The following PDE1C variants were observed in gnomAD, a reference collection of about 807,000 sequenced individuals.
PDE1C encodes the protein phosphodiesterase 1C.
Under a neutral mutation model 93.1 loss-of-function variants are expected in PDE1C, and 62 were observed. The observed-to-expected ratio is 0.67, with a 90% CI of 0.54 to 0.82. PDE1C has a LOEUF of 0.82. PDE1C is among the 40% of genes least tolerant of loss of function. PDE1C has a pLI of 0.00. For missense variants in PDE1C, 742 were observed against 884.6 expected (o/e 0.84, Z 2.04); for synonymous variants, 325 against 310.1 (o/e 1.05, Z -0.50).
At chr7:31,620,442 C>T in the PDE1C span, among the ~76,000 whole-genome samples, 9 of 151,782 alleles carry the variant, frequency 5.9e-5, no homozygotes, top group South Asian at 1.0e-3. Context: ...CAGCAGCATT[C>T]GAGATTCACG....
chr7:31,901,344 G>A (rs1239308280), intron 2 of PDE1C, among the ~76,000 whole-genome samples: 1 of 151,330 alleles, frequency 6.6e-6, no homozygotes, highest in Non-Finnish European at 1.5e-5. Context: ...CCCATTAAAG[G>A]TTCAATAACA....
At chr7:31,642,603 C>G in the PDE1C span, 1 of 1,306,774 alleles carries the variant, frequency 7.7e-7, no homozygotes, top group South Asian at 1.5e-5. Flanking sequence ...AAGGCAATGA[C>G]AAGAAGAAAA....
chr7:32,282,650 C>T (rs1292310752), intron 1 of PDE1C, among the ~76,000 whole-genome samples: 1 of 2,892 alleles, frequency 3.5e-4, no homozygotes, highest in African/African-American at 1.7e-3. Flanking sequence ...GGCACGATCT[C>T]GGCTCACTGC....
intron 2 of PDE1C, among the ~76,000 whole-genome samples, chr7:32,182,021 C>T (rs1350009841): frequency 6.6e-6 from 1 of 152,184 alleles, no homozygotes; most frequent in African/African-American, 2.4e-5. Flanking sequence ...ACTATAAACA[C>T]CTCTACACAA....
the PDE1C span, chr7:31,686,973 A>G: frequency 1.3e-5 from 2 of 152,198 alleles, no homozygotes; most frequent in African/African-American, 4.8e-5. Context: ...AATCTATCGC[A>G]TGGGAATTCA....
intron 2 of PDE1C, among the ~76,000 whole-genome samples, chr7:32,035,694 T>A (rs905796267): frequency 6.6e-6 from 1 of 152,188 alleles, no homozygotes; most frequent in African/African-American, 2.4e-5. Flanking sequence ...ATTAAATGAG[T>A]TGCCAAAAGC....
the PDE1C span, among the ~76,000 whole-genome samples, chr7:31,722,707 G>A: frequency 6.6e-6 from 1 of 152,164 alleles, no homozygotes; most frequent in Non-Finnish European, 1.5e-5. Flanking sequence ...GGGAAGGGCA[G>A]GTGTTAACCG....
At chr7:31,875,044 A>G (rs925374085) in intron 5 of PDE1C, among the ~76,000 whole-genome samples, 1 of 152,138 alleles carries the variant, frequency 6.6e-6, no homozygotes, top group Admixed American at 6.5e-5. Context: ...TTAATATCCC[A>G]CTAGGGCGCA....
chr7:32,047,062 A>AGTGTGT (rs59580872), intron 2 of PDE1C, among the ~76,000 whole-genome samples: 4,452 of 145,890 alleles, frequency 0.031, 87 homozygotes, highest in Middle Eastern at 0.075. Flanking sequence ...TGCGAGACAG[A>AGTGTGT]GTGTGTGTGT....
the PDE1C span, among the ~76,000 whole-genome samples, chr7:31,702,577 G>A: frequency 1.3e-5 from 2 of 152,148 alleles, no homozygotes; most frequent in African/African-American, 4.8e-5. Context: ...AACTAACTCT[G>A]TATTAGTCAC....
chr7:31,997,119 CAG>C (rs575862750), intron 2 of PDE1C, among the ~76,000 whole-genome samples: 3 of 152,166 alleles, frequency 2.0e-5, no homozygotes, highest in South Asian at 2.1e-4. Context: ...TAACAACAAA[CAG>C]TGCTTCATGA....
chr7:31,878,711 T>C (rs969162062), intron 4 of PDE1C, among the ~76,000 whole-genome samples: 3 of 152,180 alleles, frequency 2.0e-5, no homozygotes, highest in Non-Finnish European at 2.9e-5. Context: ...CAAAAGATGA[T>C]AGATGAGATG....
At chr7:32,222,003 A>G (rs546595092) in intron 1 of PDE1C, among the ~76,000 whole-genome samples, 94 of 152,052 alleles carry the variant, frequency 6.2e-4, no homozygotes, top group Non-Finnish European at 1.1e-3. Context: ...CCACAACTTC[A>G]CTTGAGGTGC....
intron 1 of PDE1C, among the ~76,000 whole-genome samples, chr7:32,289,713 T>C (rs938171118): frequency 1.3e-5 from 2 of 152,148 alleles, no homozygotes; most frequent in African/African-American, 4.8e-5. Flanking sequence ...TCTCCATCTG[T>C]CTAATTTCAG....
At chr7:32,288,948 T>C (rs1812171758) in intron 1 of PDE1C, among the ~76,000 whole-genome samples, 1 of 152,090 alleles carries the variant, frequency 6.6e-6, no homozygotes, top group Non-Finnish European at 1.5e-5. Flanking sequence ...TGGCATGAAC[T>C]AGGAAGAAGA....
chr7:31,690,209 C>A, the PDE1C span, among the ~76,000 whole-genome samples: 5 of 152,220 alleles, frequency 3.3e-5, no homozygotes, highest in Non-Finnish European at 7.3e-5. Context: ...TTTCATTATA[C>A]AACGGGTCTT....
chr7:32,293,336 C>T (rs1350007146), intron 1 of PDE1C, among the ~76,000 whole-genome samples: 1 of 152,260 alleles, frequency 6.6e-6, no homozygotes, highest in East Asian at 1.9e-4. Context: ...CAGCTGGCCC[C>T]CTAAAAGCGG....
At chr7:32,233,996 A>G (rs1307289309) in intron 1 of PDE1C, among the ~76,000 whole-genome samples, 1 of 152,098 alleles carries the variant, frequency 6.6e-6, no homozygotes, top group Non-Finnish European at 1.5e-5. Context: ...TAATATAAAG[A>G]TAACATGAAA....
intron 15 of PDE1C, among the ~76,000 whole-genome samples, chr7:31,810,695 T>G (rs1216679978): frequency 6.6e-6 from 1 of 152,058 alleles, no homozygotes; most frequent in Non-Finnish European, 1.5e-5. Context: ...TACCCCACCC[T>G]GAACTCACAT....
Sources: gnomAD v4.1 joint callset for allele counts (sites outside exome capture counted in the v4.1 genomes callset) on GRCh38, gnomAD v4.1.1 for gene constraint, MANE v1.5 for transcripts, NCBI Gene and HGNC (gene_info 2026-07-23, HGNC 2026-07-21) for gene names.